BBS9: variants seen among roughly 807,000 people sequenced by gnomAD.
The protein encoded by BBS9 is Bardet-Biedl syndrome 9.
Under a neutral mutation model 117.7 loss-of-function variants are expected in BBS9, and 89 were observed. The observed-to-expected ratio is 0.76, with a 90% CI of 0.64 to 0.90. The LOEUF is 0.90. BBS9 is among the 40% of genes least tolerant of loss of function. The pLI, the probability that BBS9 is intolerant of heterozygous loss-of-function variation, is 0.00. For missense variants in BBS9, 982 were observed against 1,042.2 expected (o/e 0.94, Z 0.80); for synonymous variants, 379 against 370.9 (o/e 1.02, Z -0.25).
chr7:33,449,766 T>C (rs1325095073), intron 19 of BBS9, among the ~76,000 whole-genome samples: 1 of 152,140 alleles, frequency 6.6e-6, no homozygotes, highest in East Asian at 1.9e-4. Context: ...GATTTTACCA[T>C]AGGAATTAAG....
chr7:33,387,888 AT>A, intron 18 of BBS9, 103 bp from the exon 19 acceptor site: 1 of 1,336,498 alleles, frequency 7.5e-7, no homozygotes, highest in African/African-American at 1.5e-5. Flanking sequence ...ATGCATTTAA[AT>A]TTCTTCATTA....
chr7:33,207,316 C>CAA (rs1787112848), intron 5 of BBS9, among the ~76,000 whole-genome samples: 1 of 152,138 alleles, frequency 6.6e-6, no homozygotes, highest in African/African-American at 2.4e-5. Flanking sequence ...TTGGCACTTC[C>CAA]TTCACATTTG....
At chr7:33,156,529 C>A (rs1198340425) in intron 4 of BBS9, among the ~76,000 whole-genome samples, 1 of 152,152 alleles carries the variant, frequency 6.6e-6, no homozygotes, top group East Asian at 1.9e-4. Context: ...ATTTTGCTTT[C>A]AATTTGAGTA....
intron 5 of BBS9, among the ~76,000 whole-genome samples, chr7:33,255,327 G>A (rs1480532890): frequency 1.4e-5 from 2 of 143,092 alleles, no homozygotes; most frequent in Non-Finnish European, 3.0e-5. Flanking sequence ...GATTTTGGTT[G>A]TATAGTGTAA....
chr7:33,615,698 A>G (rs538247717), intron 21 of BBS9, among the ~76,000 whole-genome samples: 4 of 152,106 alleles, frequency 2.6e-5, no homozygotes, highest in Non-Finnish European at 5.9e-5. Context: ...TCAGGCACCA[A>G]ATCACAGAGC....
rs138978487 is a variant in BBS9 at position 33,341,787 on chromosome 7, TAGAA to T, written c.1275+817_1275+820del. On this transcript the variant is annotated intron_variant, in intron 11 of 22. Coordinates refer to ENST00000242067, the MANE Select transcript of BBS9 (RefSeq NM_198428.3). The stretch of plus-strand genomic sequence containing the variant: ...TAAGTGAATTAATACAACTGAGAAA[TAGAA>T]AGGATGAAAGGAGGACTATTCTTGA... Among the ~76,000 whole-genome samples the T allele has an allele frequency of 7.5e-3, 1,149 of 152,200 alleles. 17 individuals carry two copies. Among genetic ancestry groups the T allele is most frequent in the African/African-American group, 0.027 (1,109 of 41,534 alleles).
At chr7:33,268,255 T>C (rs1049155615) in intron 7 of BBS9, among the ~76,000 whole-genome samples, 1 of 152,248 alleles carries the variant, frequency 6.6e-6, no homozygotes, top group Admixed American at 6.5e-5. Context: ...AGTACTCAGC[T>C]GAATATTTGA....
chr7:33,386,840 G>T (rs1447981855), intron 18 of BBS9, among the ~76,000 whole-genome samples: 5 of 152,102 alleles, frequency 3.3e-5, no homozygotes, highest in Non-Finnish European at 7.4e-5. Flanking sequence ...TTACAGTGAA[G>T]AGAGTCATTT....
chr7:33,146,653 A>G (rs1792413768), intron 2 of BBS9, among the ~76,000 whole-genome samples: 1 of 147,822 alleles, frequency 6.8e-6, no homozygotes, highest in Non-Finnish European at 1.5e-5. Context: ...GAGCTGAGAT[A>G]GTGCCACTAC....
rs556658659 is a variant in BBS9, at chr7:33,292,791, A to G, written c.1016+18835A>G. On this transcript the variant is annotated intron_variant, in intron 9 of 22. Transcript: ENST00000242067. ...GGGAAGCCAAGGCAGGTGGATCACG[A>G]GATCAGGACTTCGAGACCAGCCTGA... Among the ~76,000 whole-genome samples, 33 of 152,244 alleles carry G rather than the reference A, an allele frequency of 2.2e-4. 1 individual carries two copies. The South Asian group carries it at 6.6e-3, about 31-fold the overall frequency.
chr7:33,237,381 A>G (rs1383818975), intron 5 of BBS9, among the ~76,000 whole-genome samples: 1 of 152,190 alleles, frequency 6.6e-6, no homozygotes, highest in Non-Finnish European at 1.5e-5. Context: ...TTATTTAGTC[A>G]TTGAGATTGC....
chr7:33,446,412 ATC>A (rs1439944224), intron 19 of BBS9, among the ~76,000 whole-genome samples: 3 of 152,214 alleles, frequency 2.0e-5, no homozygotes, highest in Non-Finnish European at 4.4e-5. Context: ...CAAATGTTAA[ATC>A]TGTTTTTTTT....
chr7:33,511,265 C>T (rs1846923421), intron 20 of BBS9, among the ~76,000 whole-genome samples: 1 of 152,146 alleles, frequency 6.6e-6, no homozygotes, highest in African/African-American at 2.4e-5. Context: ...TAGTAAACAG[C>T]TTAAATGACT....
chr7:33,351,513 A>G, intron 14 of BBS9, 190 bp downstream of exon 14: 1 of 611,980 alleles, frequency 1.6e-6, no homozygotes, highest in South Asian at 1.8e-5. Context: ...TATTTAGCTG[A>G]TTTCCATATG....
At chr7:33,340,386 A>G (rs923682228) in intron 10 of BBS9, among the ~76,000 whole-genome samples, 16 of 152,236 alleles carry the variant, frequency 1.1e-4, no homozygotes, top group Non-Finnish European at 2.1e-4. Flanking sequence ...GACATTGCAT[A>G]GTACAGATAT....
chr7:33,291,037 A>G (rs1219464134), intron 9 of BBS9, among the ~76,000 whole-genome samples: 1 of 152,216 alleles, frequency 6.6e-6, no homozygotes, highest in Non-Finnish European at 1.5e-5. Context: ...AAAGCAAAAT[A>G]AAGTTCTCCT....
Position 33,258,521 on chromosome 7 carries a change from C to T in BBS9, c.617+1111C>T, listed in dbSNP as rs572626467. 5.2e-3 allele frequency among the ~76,000 whole-genome samples: 785 copies of T among 152,236 alleles called. 5 individuals are homozygous for T. The highest frequency in any genetic ancestry group is 8.7e-3 in the Admixed American group (133 of 15,284). On this transcript the variant is annotated intron_variant, in intron 6 of 22. Transcript: ENST00000242067. ...AGTGTATCATCATGTAATATTCCTT[C>T]TGTAATTCTTATGGCTCTTATCCAA...
rs867520950 is a variant in BBS9, at chr7:33,414,426, A to C, written c.2115+26282A>C. Reference sequence around the variant, plus strand: ...TACATTAAATATTATCATTGTAGAAAATTTATAAAATTCAGATAAAAATAA... The same window carrying C: ...TACATTAAATATTATCATTGTAGAACATTTATAAAATTCAGATAAAAATAA... On this transcript the variant is annotated intron_variant, in intron 19 of 22. Transcript: ENST00000242067. Among the ~76,000 whole-genome samples, 79 of 152,308 alleles carry C rather than the reference A, an allele frequency of 5.2e-4. 1 individual carries two copies. The Middle Eastern group carries it at 0.014, about 26-fold the overall frequency.
At chr7:33,380,894 C>G (rs1220122824) in intron 17 of BBS9, 1 of 152,124 alleles carries the variant, frequency 6.6e-6, no homozygotes, top group Non-Finnish European at 1.5e-5. Flanking sequence ...TAGGGTGTTA[C>G]CTGGGCCTAG....
Sources: allele counts gnomAD v4.1 joint callset (sites outside exome capture counted in the v4.1 genomes callset), GRCh38; gene constraint gnomAD v4.1.1; transcripts MANE v1.5; gene names NCBI Gene and HGNC (gene_info 2026-07-23, HGNC 2026-07-21).